The following TBCD variants were observed in gnomAD, a reference collection of about 807,000 sequenced individuals.
TBCD encodes the protein tubulin-specific chaperone D.
A neutral mutation model predicts 169.3 loss-of-function variants in TBCD; 105 were observed. The observed-to-expected ratio is 0.62, with a 90% CI of 0.53 to 0.73. TBCD has a LOEUF of 0.73. Ranked by LOEUF, TBCD falls within the 30% of genes least tolerant of loss-of-function variation. TBCD has a pLI of 0.00. For synonymous variants in TBCD, 700 were observed against 643.9 expected, an observed-to-expected ratio of 1.09 and a Z score of -1.32; for missense variants, 1,444 against 1,600.1, an observed-to-expected ratio of 0.90 and a Z score of 1.66.
chr17:82,937,620 T>G, intron 35 of TBCD: 1 of 598,234 alleles, frequency 1.7e-6, no homozygotes, highest in Non-Finnish European at 2.9e-6. Context: ...GAGGGGAGGC[T>G]CCGGAAAGGA....
At chr17:82,784,459 G>A (rs1336431574) in intron 7 of TBCD, among the ~76,000 whole-genome samples, 2 of 152,180 alleles carry the variant, frequency 1.3e-5, no homozygotes, top group African/African-American at 4.8e-5. Flanking sequence ...GAAGGGTACG[G>A]GGGTGGAGGG....
chr17:82,921,678 C>T (rs2061428206), intron 25 of TBCD, 101 bp downstream of exon 25: 3 of 1,025,678 alleles, frequency 2.9e-6, no homozygotes, highest in African/African-American at 1.6e-5. Flanking sequence ...GAGGCTGTCC[C>T]TGCAGTAGCC....
chr17:82,762,236 AACCCGGG>A (rs2047798183), intron 2 of TBCD, among the ~76,000 whole-genome samples: 1 of 149,252 alleles, frequency 6.7e-6, no homozygotes, highest in Non-Finnish European at 1.5e-5. Context: ...AAATTGCTTG[AACCCGGG>A]AGGTGGAGGT....
intron 20 of TBCD, among the ~76,000 whole-genome samples, chr17:82,907,403 C>T (rs1259446100): frequency 6.6e-6 from 1 of 152,150 alleles, no homozygotes; most frequent in Non-Finnish European, 1.5e-5. Context: ...CACAAATGGG[C>T]CAGGCATAGT....
rs985765534 is a variant in TBCD at position 82,806,751 on chromosome 17, C to T, written c.1087+740C>T. Among the ~76,000 whole-genome samples the T allele has an allele frequency of 3.9e-5, 6 of 152,316 alleles. No individual in the cohort carries two copies. Among genetic ancestry groups the T allele is most frequent in the Middle Eastern group, 6.8e-3 (2 of 294 alleles). On this transcript the variant is annotated intron_variant, in intron 10 of 38. Coordinates refer to ENST00000355528, the MANE Select transcript of TBCD (RefSeq NM_005993.5). The surrounding 1 kb of genome is among the most constrained non-coding windows in gnomAD (Gnocchi z 5.1). ...CTCCCCAGTCATCTGCACCCCACCT[C>T]GACCGTGACCATCAGGGCGCCTGTG... is the stretch of plus-strand genomic sequence containing the variant.
intron 37 of TBCD, among the ~76,000 whole-genome samples, chr17:82,941,145 C>A (rs994369177): frequency 6.6e-6 from 1 of 152,244 alleles, no homozygotes; most frequent in Non-Finnish European, 1.5e-5. Context: ...CTGCGCTGGG[C>A]GTGGTCCTTC....
At chr17:82,937,406 G>C in intron 35 of TBCD, 46 bp downstream of exon 35, 1 of 1,571,286 alleles carries the variant, frequency 6.4e-7, no homozygotes, top group Middle Eastern at 1.7e-4. Context: ...GCAGGGCGCA[G>C]CCTCCCTTGG....
chr17:82,900,095 A>G (rs1165176478), intron 17 of TBCD, among the ~76,000 whole-genome samples: 2 of 152,218 alleles, frequency 1.3e-5, no homozygotes, highest in Non-Finnish European at 2.9e-5. Context: ...TGCAGCTGGC[A>G]CACACTAACC....
intron 2 of TBCD, among the ~76,000 whole-genome samples, chr17:82,761,645 G>C (rs1188592142): frequency 6.6e-6 from 1 of 151,830 alleles, no homozygotes; most frequent in Non-Finnish European, 1.5e-5. Context: ...AACATCTCCG[G>C]GACTTACCAT....
chr17:82,786,056 C>G (rs988570686), intron 7 of TBCD, among the ~76,000 whole-genome samples: 8 of 152,144 alleles, frequency 5.3e-5, no homozygotes, highest in South Asian at 4.1e-4. Flanking sequence ...TTCAGCTTCA[C>G]GGCCTTCATG....
chr17:82,837,598 A>T (rs1249362023), intron 13 of TBCD, among the ~76,000 whole-genome samples: 1 of 152,088 alleles, frequency 6.6e-6, no homozygotes, highest in Non-Finnish European at 1.5e-5. Context: ...TTCATTTGAG[A>T]ACTGCAGTGC....
chr17:82,770,098 CTG>C (rs1159403330), intron 5 of TBCD, among the ~76,000 whole-genome samples: 5 of 152,154 alleles, frequency 3.3e-5, no homozygotes, highest in African/African-American at 1.2e-4. Flanking sequence ...TATCTGGAGT[CTG>C]TGCTCTTCAT....
chr17:82,836,794 G>A (rs1422384729), intron 13 of TBCD, among the ~76,000 whole-genome samples: 1 of 152,176 alleles, frequency 6.6e-6, no homozygotes, highest in Non-Finnish European at 1.5e-5. Context: ...GGCAGGTTAC[G>A]TGTAAGCTCT....
chr17:82,922,227 G>A lies in TBCD; in HGVS notation c.2178+650G>A, dbSNP rs1027173202. On this transcript the variant is annotated intron_variant, in intron 25 of 38. Coordinates refer to ENST00000355528, the MANE Select transcript of TBCD (RefSeq NM_005993.5). The surrounding 1 kb of genome is among the most constrained non-coding windows in gnomAD (Gnocchi z 4.1). ...AATACAAAAATTAGCGGGGCGAGGT[G>A]GCGCGTGCCTGTAATCCCAGCTACT... 6.6e-6 allele frequency among the ~76,000 whole-genome samples: 1 copy of A among 152,190 alleles called. No homozygotes were observed. Among genetic ancestry groups the A allele is most frequent in the Non-Finnish European group, 1.5e-5 (1 of 68,042 alleles).
At chr17:82,904,252 T>C (rs12952856) in intron 19 of TBCD, among the ~76,000 whole-genome samples, 58,193 of 110,118 alleles carry the variant, frequency 0.53, 14,019 homozygotes, top group Middle Eastern at 0.63. Context: ...ACCTGCCACA[T>C]GACACTCCTT....
chr17:82,897,509 C>T (rs1025135570), intron 17 of TBCD, among the ~76,000 whole-genome samples: 8 of 92,720 alleles, frequency 8.6e-5, no homozygotes, highest in Non-Finnish European at 1.8e-4. Flanking sequence ...CAGAATGAGA[C>T]TCCGTCTCAA....
chr17:82,820,590 A>T (rs780683267), intron 13 of TBCD, among the ~76,000 whole-genome samples: 2 of 151,206 alleles, frequency 1.3e-5, no homozygotes, highest in Non-Finnish European at 2.9e-5. Flanking sequence ...GACTCTTGTT[A>T]TGTTAATACA....
rs753614734 is a variant in TBCD at position 82,938,013 on chromosome 17, T to C, written c.3282-36T>C. On this transcript the variant is annotated intron_variant, in intron 35 of 38. Transcript: ENST00000355528. ...TTTGCTGGGGTTGGCCTGCGCGGGG[T>C]GGGGCTCACCTGGAGCCATGTGCTG... 2.5e-6 allele frequency: 4 copies of C among 1,610,064 alleles called. No homozygotes were observed. The South Asian group carries it at 3.3e-5, about 13-fold the overall frequency.
Position 82,846,966 on chromosome 17 carries a change from G to A in TBCD, c.1319-23258G>A, listed in dbSNP as rs1300850230. Among the ~76,000 whole-genome samples the A allele has an allele frequency of 5.3e-5, 8 of 152,198 alleles. 1 individual carries two copies. The highest frequency in any genetic ancestry group is 8.8e-5 in the Non-Finnish European group (6 of 68,032). ...CCTCACCCGCCATGTGCCTGTGGTC[G>A]TGGCCAAGGTCTGGGCCCAACCTGC... On this transcript the variant is annotated intron_variant, in intron 13 of 38. Coordinates refer to ENST00000355528, the MANE Select transcript of TBCD (RefSeq NM_005993.5).
Sources: allele counts gnomAD v4.1 joint callset (sites outside exome capture counted in the v4.1 genomes callset), GRCh38; gene constraint gnomAD v4.1.1; non-coding constraint Gnocchi (gnomAD v3.1); transcripts MANE v1.5; gene names NCBI Gene and HGNC (gene_info 2026-07-23, HGNC 2026-07-21).